Variants in LRRC20 observed in about 807,000 individuals in gnomAD.
LRRC20 encodes leucine rich repeat containing 20, also known as leucine-rich repeat-containing protein 20.
In LRRC20, 11 loss-of-function variants were observed where a neutral mutation model predicts 14.4. The observed-to-expected ratio is 0.77, with a 90% CI of 0.48 to 1.27. The LOEUF (loss-of-function observed/expected upper bound fraction) is 1.27, where lower values mean the gene tolerates loss of function less well. Among genes scored for constraint, LRRC20 ranks in the 50% most tolerant of loss-of-function variants. LRRC20 has a pLI of 0.00. For synonymous variants in LRRC20, 121 were observed against 107.3 expected (o/e 1.13, Z -0.79); for missense variants, 219 against 251.2 (o/e 0.87, Z 0.87).
intron 2 of LRRC20, among the ~76,000 whole-genome samples, chr10:70,350,103 C>T (rs1276320373): frequency 6.6e-6 from 1 of 152,090 alleles, no homozygotes; most frequent in Non-Finnish European, 1.5e-5. Context: ...GAGAAGAAGG[C>T]TCCTGGCATT....
intron 3 of LRRC20, among the ~76,000 whole-genome samples, chr10:70,330,754 G>A (rs1459825112): frequency 2.0e-5 from 3 of 152,282 alleles, no homozygotes; most frequent in South Asian, 2.1e-4. Context: ...CAGAAGCCAC[G>A]GCCCAGCAGG....
intron 3 of LRRC20, among the ~76,000 whole-genome samples, chr10:70,335,007 G>C (rs768375436): frequency 3.9e-5 from 6 of 152,166 alleles, no homozygotes; most frequent in Non-Finnish European, 8.8e-5. Flanking sequence ...GCTCCCCCCA[G>C]GTGTCATGCA....
At chr10:70,324,801 C>T (rs1036795954) in intron 3 of LRRC20, among the ~76,000 whole-genome samples, 1 of 152,166 alleles carries the variant, frequency 6.6e-6, no homozygotes, top group Non-Finnish European at 1.5e-5. Flanking sequence ...CAGCCCAGGG[C>T]TGATGGGAGG....
At chr10:70,353,189 T>C (rs1275472884) in intron 2 of LRRC20, among the ~76,000 whole-genome samples, 4 of 152,132 alleles carry the variant, frequency 2.6e-5, no homozygotes, top group South Asian at 2.1e-4. Flanking sequence ...ACCCTATAAA[T>C]AGGTCACTAC....
chr10:70,299,498 T>G lies in LRRC20; in HGVS notation c.*1856A>C, dbSNP rs142572144. The G allele has an allele frequency of 9.8e-5, 15 of 152,314 alleles. 1 individual carries two copies. In the East Asian group the frequency reaches 2.1e-3, roughly 22 times the overall value. The allele number at this position is 152,314 out of a possible 1,614,324, so 9.4% of individuals were successfully genotyped here. On this transcript the variant is annotated 3_prime_UTR_variant, in exon 5 of 5. Transcript: ENST00000446961. The stretch of plus-strand genomic sequence containing the variant: ...AATGCAGGGTCTGAGTCGGGAGGTA[T>G]AGGGTGAGGCCTAGACTCTGCATTC...
chr10:70,375,443 T>C (rs1229001672), intron 2 of LRRC20, among the ~76,000 whole-genome samples: 1 of 147,982 alleles, frequency 6.8e-6, no homozygotes, highest in Admixed American at 6.9e-5. Context: ...ATCAAGCTCA[T>C]CCTGAAGGCT....
In LRRC20 at chr10:70,382,558, G is replaced by GCCTCCTAGCGCC. The variant is rs1202368446; in HGVS notation, c.-85_-74dup. ...TTTTGGCTCCACTTACGGCGACAAT[G>GCCTCCTAGCGCC]CCTCCTAGCGCCCTGCGCAGCGCAG... On this transcript the variant is annotated 5_prime_UTR_variant, in exon 1 of 5. Transcript: ENST00000446961. 40 of 151,942 alleles carry GCCTCCTAGCGCC rather than the reference G, an allele frequency of 2.6e-4. No homozygotes were observed. Among genetic ancestry groups the GCCTCCTAGCGCC allele is most frequent in the African/African-American group, 9.2e-4 (38 of 41,384 alleles). The allele number at this position is 151,942 out of a possible 1,614,324, so 9.4% of individuals were successfully genotyped here.
At chr10:70,331,849 C>T (rs1343745928) in intron 3 of LRRC20, among the ~76,000 whole-genome samples, 1 of 152,166 alleles carries the variant, frequency 6.6e-6, no homozygotes, top group African/African-American at 2.4e-5. Context: ...GTTAAATGGA[C>T]CTCTTCTTCC....
chr10:70,351,823 T>C (rs1843323636), intron 2 of LRRC20, among the ~76,000 whole-genome samples: 1 of 152,212 alleles, frequency 6.6e-6, no homozygotes, highest in Admixed American at 6.5e-5. Flanking sequence ...TCCTAATCAC[T>C]GACTCTTGGT....
intron 4 of LRRC20, among the ~76,000 whole-genome samples, chr10:70,302,312 C>CA (rs908066949): frequency 0.018 from 2,608 of 142,290 alleles, 87 homozygotes; most frequent in African/African-American, 0.063. Flanking sequence ...AGCTCTGTCT[C>CA]AAAAAAAAAA....
chr10:70,322,211 C>T (rs527425819), intron 4 of LRRC20, among the ~76,000 whole-genome samples: 1 of 152,338 alleles, frequency 6.6e-6, no homozygotes, highest in South Asian at 2.1e-4. Context: ...CTGAGATTCA[C>T]AGAGCTGCTG....
At chr10:70,377,889 T>C (rs1226716635) in intron 1 of LRRC20, among the ~76,000 whole-genome samples, 3 of 152,134 alleles carry the variant, frequency 2.0e-5, no homozygotes, top group Admixed American at 1.3e-4. Context: ...TACAGAACAG[T>C]GGGAAAACAC....
intron 3 of LRRC20, among the ~76,000 whole-genome samples, chr10:70,328,721 C>T (rs966077621): frequency 6.6e-6 from 1 of 152,180 alleles, no homozygotes; most frequent in African/African-American, 2.4e-5. Flanking sequence ...AGTTCAAGAC[C>T]AGCCTGCACA....
chr10:70,363,634 C>T (rs546498875), intron 2 of LRRC20, among the ~76,000 whole-genome samples: 16 of 152,296 alleles, frequency 1.1e-4, no homozygotes, highest in African/African-American at 3.8e-4. Context: ...TTATCCAGCT[C>T]AAAAACCAAA....
At chr10:70,366,600 C>T (rs146324343) in intron 2 of LRRC20, among the ~76,000 whole-genome samples, 7 of 151,736 alleles carry the variant, frequency 4.6e-5, no homozygotes, top group African/African-American at 1.2e-4. Flanking sequence ...AAAAACATAC[C>T]GAGTGTTGAA....
intron 2 of LRRC20, among the ~76,000 whole-genome samples, chr10:70,365,184 C>T (rs1843934372): frequency 6.6e-6 from 1 of 151,862 alleles, no homozygotes; most frequent in South Asian, 2.1e-4. Context: ...CTCCGCCTCC[C>T]GAGTAGCTGG....
intron 3 of LRRC20, among the ~76,000 whole-genome samples, chr10:70,330,339 T>C (rs1248129574): frequency 1.3e-5 from 2 of 152,206 alleles, no homozygotes; most frequent in Non-Finnish European, 2.9e-5. Context: ...TTTTAGTGGT[T>C]TGTGGTTCTC....
At chr10:70,328,543 C>T (rs7917234) in intron 3 of LRRC20, among the ~76,000 whole-genome samples, 1 of 152,186 alleles carries the variant, frequency 6.6e-6, no homozygotes. Flanking sequence ...GTGATACACC[C>T]GCCTCGGCCT....
chr10:70,348,606 G>A (rs1429241495), intron 2 of LRRC20, among the ~76,000 whole-genome samples: 1 of 152,198 alleles, frequency 6.6e-6, no homozygotes, highest in Non-Finnish European at 1.5e-5. Flanking sequence ...GGTGGATCAG[G>A]AAGCCAGGGG....
Sources: allele counts gnomAD v4.1 joint callset (sites outside exome capture counted in the v4.1 genomes callset), GRCh38; gene constraint gnomAD v4.1.1; transcripts MANE v1.5; gene names NCBI Gene and HGNC (gene_info 2026-07-23, HGNC 2026-07-21).